Variants in CACNA1C observed in about 807,000 individuals in gnomAD.
CACNA1C encodes the protein calcium voltage-gated channel subunit alpha1 C.
Under a neutral mutation model 229.0 loss-of-function variants are expected in CACNA1C, and 30 were observed. The ratio of observed to expected loss-of-function variants is 0.13; its 90% CI spans 0.10 to 0.18. The LOEUF is 0.18. Among genes scored for constraint, CACNA1C ranks in the 10% least tolerant of loss-of-function variants. The pLI is 1.00. For synonymous variants in CACNA1C, 1,114 were observed against 1,132.5 expected (o/e 0.98, Z 0.33); for missense variants, 1,658 against 2,845.0 (o/e 0.58, Z 9.49).
At chr12:2,014,510 A>G (rs1474614473) in intron 1 of CACNA1C, among the ~76,000 whole-genome samples, 1 of 152,212 alleles carries the variant, frequency 6.6e-6, no homozygotes, top group East Asian at 1.9e-4. Context: ...TGAACAAGAC[A>G]GGCACATTCC....
rs114429675 is a variant in CACNA1C, at chr12:2,202,255, T to C, written c.477+81825T>C. 9.7e-3 allele frequency among the ~76,000 whole-genome samples: 1,471 copies of C among 152,322 alleles called. 17 individuals are homozygous for C. The highest frequency in any genetic ancestry group is 0.033 in the African/African-American group (1,374 of 41,576). On this transcript the variant is annotated intron_variant, in intron 3 of 46. Transcript: ENST00000399655. ...CAGGGACACTGAGCCCAGGCTGCCATGTGGCCTGCCCAGGACCTCACCGCT... is the reference window on the plus strand; with the variant it reads ...CAGGGACACTGAGCCCAGGCTGCCACGTGGCCTGCCCAGGACCTCACCGCT...
intron 3 of CACNA1C, among the ~76,000 whole-genome samples, chr12:2,188,936 C>CA (rs1224120216): frequency 5.3e-5 from 8 of 151,638 alleles, no homozygotes; most frequent in African/African-American, 1.9e-4. Context: ...ACTAAAAATA[C>CA]AAAAAAATTA....
intron 1 of CACNA1C, among the ~76,000 whole-genome samples, chr12:2,079,653 A>G (rs1423646812): frequency 3.9e-5 from 6 of 152,182 alleles, no homozygotes; most frequent in African/African-American, 1.4e-4. Flanking sequence ...GGGAGACACA[A>G]ACATTTAGTC....
At chr12:2,562,472 G>T (rs1220617848) in intron 11 of CACNA1C, among the ~76,000 whole-genome samples, 1 of 152,152 alleles carries the variant, frequency 6.6e-6, no homozygotes, top group Non-Finnish European at 1.5e-5. Context: ...TTTTTTAGGG[G>T]AATAAACTAC....
chr12:2,183,457 G>A (rs1238921915), intron 3 of CACNA1C, among the ~76,000 whole-genome samples: 3 of 152,220 alleles, frequency 2.0e-5, no homozygotes, highest in Non-Finnish European at 4.4e-5. Flanking sequence ...CACAAGTGTG[G>A]GAAGGGGCTG....
intron 3 of CACNA1C, among the ~76,000 whole-genome samples, chr12:2,416,002 C>T (rs1364659495): frequency 6.6e-6 from 1 of 152,048 alleles, no homozygotes; most frequent in Admixed American, 6.6e-5. Flanking sequence ...CAGAGGAGCC[C>T]AGGTTTCAGG....
rs1362097447 is a variant in CACNA1C, at chr12:1,982,833, T to A, written c.139+11632T>A. ...GTTGGAAAATAATACCTCTTCTACT[T>A]TCTGAAAGAGATTGTATAGAATTGG... On this transcript the variant is annotated intron_variant, in intron 1 of 46. Transcript: ENST00000682462. 2.0e-5 allele frequency among the ~76,000 whole-genome samples: 3 copies of A among 152,146 alleles called. No homozygotes were observed. In the South Asian group the frequency reaches 6.2e-4, roughly 31 times the overall value.
At chr12:2,405,309 C>G (rs1267302343) in intron 3 of CACNA1C, among the ~76,000 whole-genome samples, 1 of 152,284 alleles carries the variant, frequency 6.6e-6, no homozygotes, top group Middle Eastern at 3.4e-3. Flanking sequence ...ATGTATAGTT[C>G]TGTGTTGTTT....
chr12:2,550,097 T>A, intron 10 of CACNA1C, 64 bp downstream of exon 10: 1 of 1,137,076 alleles, frequency 8.8e-7, no homozygotes, highest in Non-Finnish European at 1.3e-6. Flanking sequence ...AAAAGCTGCA[T>A]CTGGAAATCA....
chr12:2,034,326 C>T lies in CACNA1C; in HGVS notation c.139+63125C>T, dbSNP rs1407811915. On this transcript the variant is annotated intron_variant, in intron 1 of 46. Coordinates refer to the CACNA1C transcript ENST00000682462. The surrounding 1 kb of genome is among the most constrained non-coding windows in gnomAD (Gnocchi z 4.1). ...TGGTGTGTGGAAGGGAGTACACTTT[C>T]TCCGTGAGATGCCAGATAACTGAAA... Among the ~76,000 whole-genome samples the T allele has an allele frequency of 6.6e-6, 1 of 151,936 alleles. No homozygotes were observed. The highest frequency in any genetic ancestry group is 1.5e-5 in the Non-Finnish European group (1 of 68,016).
chr12:2,558,977 G>A (rs943310196), intron 11 of CACNA1C, among the ~76,000 whole-genome samples: 4 of 152,166 alleles, frequency 2.6e-5, no homozygotes, highest in Non-Finnish European at 5.9e-5. Flanking sequence ...AGTAATGCTT[G>A]GCTGTTACTG....
intron 3 of CACNA1C, among the ~76,000 whole-genome samples, chr12:2,203,130 A>G (rs996967096): frequency 2.0e-5 from 3 of 152,122 alleles, no homozygotes; most frequent in African/African-American, 7.2e-5. Context: ...TGAAACGTAC[A>G]TAGTATTTTC....
At chr12:2,281,143 G>A (rs1016010371) in intron 3 of CACNA1C, among the ~76,000 whole-genome samples, 35 of 115,886 alleles carry the variant, frequency 3.0e-4, no homozygotes, top group African/African-American at 1.2e-3. Flanking sequence ...CTTAATCATC[G>A]CAGTTTGTCT....
At chr12:2,482,464 A>G (rs1376550555) in intron 5 of CACNA1C, among the ~76,000 whole-genome samples, 1 of 152,132 alleles carries the variant, frequency 6.6e-6, no homozygotes, top group Non-Finnish European at 1.5e-5. Flanking sequence ...ACTGCTCTGG[A>G]CCCACTCTTC....
intron 4 of CACNA1C, among the ~76,000 whole-genome samples, chr12:2,453,400 A>G (rs919534367): frequency 6.6e-6 from 1 of 152,146 alleles, no homozygotes; most frequent in African/African-American, 2.4e-5. Flanking sequence ...TAGATCTGAT[A>G]TGGAGACCCA....
chr12:1,989,130 T>C (rs1282172611), intron 1 of CACNA1C, among the ~76,000 whole-genome samples: 2 of 152,340 alleles, frequency 1.3e-5, no homozygotes, highest in Non-Finnish European at 1.5e-5. Flanking sequence ...CCGCCTGTAA[T>C]GCCAACTACT....
intron 3 of CACNA1C, among the ~76,000 whole-genome samples, chr12:2,416,072 C>T (rs2098892221): frequency 6.6e-6 from 1 of 152,178 alleles, no homozygotes; most frequent in Non-Finnish European, 1.5e-5. Flanking sequence ...AAGCTGGTCC[C>T]TTCTTGTCCT....
chr12:2,607,056 C>G lies in CACNA1C; in HGVS notation c.3282C>G (p.Ser1094Arg). The change falls in exon 26 of 47, where the codon AGC (serine) becomes AGG (arginine). Residue 1094 changes from serine to arginine, a missense_variant. This residue lies in a region of CACNA1C where 77 missense variants were observed against 130.9 expected (regional missense o/e 0.59). Coordinates refer to ENST00000399655, the MANE Select transcript of CACNA1C (RefSeq NM_000719.7). ...PIIQPRSWEN[S>R]KFDFDNVLAA... ...TCCAACCCCGCAGCTGGGAGAACAG[C>G]AAGTTTGACTTTGACAATGTTCTGG... The G allele has an allele frequency of 6.2e-7, 1 of 1,613,932 alleles. No individual in the cohort carries two copies. Among genetic ancestry groups the G allele is most frequent in the Non-Finnish European group, 8.5e-7 (1 of 1,179,860 alleles).
chr12:2,357,362 A>C (rs994931993), intron 3 of CACNA1C, among the ~76,000 whole-genome samples: 1 of 152,140 alleles, frequency 6.6e-6, no homozygotes, highest in Non-Finnish European at 1.5e-5. Context: ...TGTGGAGGCA[A>C]ACAGAGCTGT....
Sources: gnomAD v4.1 joint callset for allele counts (sites outside exome capture counted in the v4.1 genomes callset) on GRCh38, gnomAD v4.1.1 for gene constraint, gnomAD v4.1.1 regional missense constraint, Gnocchi (gnomAD v3.1) non-coding constraint, MANE v1.5 for transcripts, NCBI Gene and HGNC (gene_info 2026-07-23, HGNC 2026-07-21) for gene names.